Variants in FUT8 observed in about 807,000 individuals in gnomAD.
The protein encoded by FUT8 is alpha-(1,6)-fucosyltransferase.
FUT8 carries 29 observed loss-of-function variants against 71.3 expected under a neutral mutation model. That is an observed-to-expected ratio of 0.41 (90% CI 0.30 to 0.55). The LOEUF is 0.55. Ranked by LOEUF, FUT8 falls within the 20% of genes least tolerant of loss-of-function variation. FUT8 has a pLI of 0.34. For synonymous variants in FUT8, 254 were observed against 239.3 expected, an observed-to-expected ratio of 1.06 and a Z score of -0.57; for missense variants, 544 against 702.1, an observed-to-expected ratio of 0.77 and a Z score of 2.55.
intron 2 of FUT8, among the ~76,000 whole-genome samples, chr14:65,461,663 T>C (rs1438338089): frequency 3.3e-5 from 5 of 152,200 alleles, no homozygotes; most frequent in African/African-American, 1.2e-4. Flanking sequence ...CTGTCTTCTT[T>C]AGCTATTAGT....
intron 1 of FUT8, among the ~76,000 whole-genome samples, chr14:65,414,995 GA>G (rs2065198031): frequency 6.6e-6 from 1 of 151,910 alleles, no homozygotes; most frequent in Non-Finnish European, 1.5e-5. Context: ...GTATGGAATC[GA>G]AAAAAACAAA....
the FUT8 span, among the ~76,000 whole-genome samples, chr14:65,374,191 G>A: frequency 6.6e-6 from 1 of 152,152 alleles, no homozygotes; most frequent in Non-Finnish European, 1.5e-5. Flanking sequence ...GTCTTTGTGT[G>A]TTTATGTCAT....
At chr14:65,412,655 T>A (rs934682747), upstream of FUT8, 2 of 207,104 alleles carry the variant, frequency 9.7e-6, no homozygotes, top group East Asian at 3.6e-4. Context: ...CATGCCAGGG[T>A]CGCCGTAGGT....
In FUT8 at chr14:65,638,868, A is replaced by G. The variant is rs996427534; in HGVS notation, c.597+9262A>G. ...GCATTTGTATTTCCGCCTAACCAAAATAAAGCCAGAAGTGGTAATATCTGT... is the reference window on the plus strand; with the variant it reads ...GCATTTGTATTTCCGCCTAACCAAAGTAAAGCCAGAAGTGGTAATATCTGT... On this transcript the variant is annotated intron_variant, in intron 6 of 10. Coordinates refer to ENST00000673929, the MANE Select transcript of FUT8 (RefSeq NM_001371533.1). This position sits in a 1 kb window ranked among gnomAD's most constrained non-coding sequence, Gnocchi z 4.5. 2.0e-5 allele frequency among the ~76,000 whole-genome samples: 3 copies of G among 152,224 alleles called. No homozygotes were observed. Among genetic ancestry groups the G allele is most frequent in the Admixed American group, 2.0e-4 (3 of 15,284 alleles).
intron 1 of FUT8, among the ~76,000 whole-genome samples, chr14:65,453,016 C>T (rs1479413400): frequency 6.6e-6 from 1 of 151,490 alleles, no homozygotes; most frequent in Non-Finnish European, 1.5e-5. Flanking sequence ...TTCCTTCTGG[C>T]TCTGTTTTCT....
chr14:65,466,235 G>A (rs747497552), intron 2 of FUT8, among the ~76,000 whole-genome samples: 6 of 152,182 alleles, frequency 3.9e-5, no homozygotes, highest in African/African-American at 7.2e-5. Flanking sequence ...GCTCTCGACA[G>A]CATGTGTCTT....
At chr14:65,518,442 C>G (rs1466048750) in intron 2 of FUT8, among the ~76,000 whole-genome samples, 1 of 152,128 alleles carries the variant, frequency 6.6e-6, no homozygotes, top group Non-Finnish European at 1.5e-5. Flanking sequence ...TTTCTCATAG[C>G]CTACAGCCTA....
At chr14:65,494,404 A>G (rs1363682010) in intron 2 of FUT8, among the ~76,000 whole-genome samples, 8 of 152,240 alleles carry the variant, frequency 5.3e-5, no homozygotes, top group African/African-American at 1.7e-4. Flanking sequence ...GCATTTACAT[A>G]CTATTAGAAG....
the FUT8 span, among the ~76,000 whole-genome samples, chr14:65,399,734 T>C: frequency 6.6e-6 from 1 of 152,240 alleles, no homozygotes; most frequent in African/African-American, 2.4e-5. Context: ...AAGGAAAAAG[T>C]TAATTAGATT....
the FUT8 span, among the ~76,000 whole-genome samples, chr14:65,403,918 A>G: frequency 6.6e-6 from 1 of 150,586 alleles, no homozygotes; most frequent in Non-Finnish European, 1.5e-5. Context: ...TTTTTTTGAG[A>G]TGGAGTTTTG....
At chr14:65,724,869 A>G (rs999786276) in intron 9 of FUT8, among the ~76,000 whole-genome samples, 2 of 152,098 alleles carry the variant, frequency 1.3e-5, no homozygotes, top group African/African-American at 4.8e-5. Context: ...CACTAATCTC[A>G]TCATGAGGGC....
chr14:65,666,592 C>T lies in FUT8; in HGVS notation c.598-2651C>T, dbSNP rs78909724. Among the ~76,000 whole-genome samples the T allele has an allele frequency of 5.8e-3, 876 of 152,004 alleles. 31 individuals are homozygous for T. The East Asian group carries it at 0.093, about 16-fold the overall frequency. Reference sequence around the variant, plus strand: ...GACCAGATAGCTAAATTCTGCCATACGTATAAGAAGACCTGGCACCATTCC... The same window carrying T: ...GACCAGATAGCTAAATTCTGCCATATGTATAAGAAGACCTGGCACCATTCC... On this transcript the variant is annotated intron_variant, in intron 6 of 10. Transcript: ENST00000673929.
chr14:65,544,283 A>G (rs1884857753), intron 2 of FUT8, among the ~76,000 whole-genome samples: 1 of 152,186 alleles, frequency 6.6e-6, no homozygotes, highest in South Asian at 2.1e-4. Context: ...ACTGTGTACA[A>G]ATCACTTTTA....
chr14:65,369,098 C>T, the FUT8 span, among the ~76,000 whole-genome samples: 4 of 152,290 alleles, frequency 2.6e-5, no homozygotes, highest in African/African-American at 9.6e-5. The surrounding 1 kb of genome is among the most constrained non-coding windows in gnomAD (Gnocchi z 4.6). Flanking sequence ...ATATATTTTA[C>T]GTGTAGAGCA....
rs747472153 is a variant in FUT8 at position 65,467,997 on chromosome 14, T to G, written c.-228+12279T>G. 2.9e-6 allele frequency: 2 copies of G among 689,982 alleles called. No homozygotes were observed. The highest frequency in any genetic ancestry group is 4.0e-5 in the Admixed American group (2 of 50,406). The allele number at this position is 689,982 out of a possible 1,614,324, so 42.7% of individuals were successfully genotyped here. ...CAGGAAGCTATTTTGGCTCTTAGAG[T>G]GCTGAATGTGCTCAATACGCACATT... On this transcript the variant is annotated intron_variant, in intron 2 of 10. Transcript: ENST00000673929. The surrounding 1 kb of genome is among the most constrained non-coding windows in gnomAD (Gnocchi z 4.1).
the FUT8 span, among the ~76,000 whole-genome samples, chr14:65,381,474 A>G: frequency 6.6e-6 from 1 of 152,222 alleles, no homozygotes; most frequent in African/African-American, 2.4e-5. Flanking sequence ...GTCCTTGAAA[A>G]GCACATTTAA....
At chr14:65,412,403 G>A (rs547133006), upstream of FUT8, 281 of 449,390 alleles carry the variant, frequency 6.3e-4, 3 homozygotes, top group South Asian at 3.9e-3. Context: ...AGGGAGCACA[G>A]CATTCTCTGG....
At chr14:65,373,146 G>A in the FUT8 span, among the ~76,000 whole-genome samples, 2 of 151,534 alleles carry the variant, frequency 1.3e-5, no homozygotes, top group African/African-American at 4.9e-5. Context: ...ATTCTACCTG[G>A]GATCTTAGTC....
At chr14:65,582,941 C>G (rs1887169747) in intron 3 of FUT8, among the ~76,000 whole-genome samples, 2 of 152,084 alleles carry the variant, frequency 1.3e-5, no homozygotes, top group African/African-American at 4.8e-5. Context: ...TATCTTTGAT[C>G]CCACTTATTA....
Sources: gnomAD v4.1 joint callset for allele counts (sites outside exome capture counted in the v4.1 genomes callset) on GRCh38, gnomAD v4.1.1 for gene constraint, Gnocchi (gnomAD v3.1) non-coding constraint, MANE v1.5 for transcripts, NCBI Gene and HGNC (gene_info 2026-07-23, HGNC 2026-07-21) for gene names.